The following CHD7 variants were observed in gnomAD, a reference collection of about 807,000 sequenced individuals.
The protein encoded by CHD7 is ATP-dependent chromatin remodeler CHD7.
Under a neutral mutation model 307.3 loss-of-function variants are expected in CHD7, and 24 were observed. The ratio of observed to expected loss-of-function variants is 0.08; its 90% CI spans 0.06 to 0.11. The LOEUF (loss-of-function observed/expected upper bound fraction) is 0.11, where lower values mean the gene tolerates loss of function less well. Ranked by LOEUF, CHD7 falls within the 10% of genes least tolerant of loss-of-function variation. The pLI, the probability that CHD7 is intolerant of heterozygous loss-of-function variation, is 1.00. For synonymous variants in CHD7, 1,363 were observed against 1,349.9 expected, an observed-to-expected ratio of 1.01 and a Z score of -0.21; for missense variants, 3,106 against 3,727.1, an observed-to-expected ratio of 0.83 and a Z score of 4.34.
intron 26 of CHD7, 127 bp downstream of exon 26, chr8:60,850,749 GTCTAC>G (rs769990473): frequency 1.5e-5 from 14 of 945,200 alleles, no homozygotes; most frequent in Non-Finnish European, 2.1e-5. Context: ...ATGTTTACCA[GTCTAC>G]TCTATTTGTA....
chr8:60,735,845 C>T (rs1808677187), intron 1 of CHD7, among the ~76,000 whole-genome samples: 1 of 152,198 alleles, frequency 6.6e-6, no homozygotes, highest in Non-Finnish European at 1.5e-5. Context: ...TCATTATAGG[C>T]ACTGTCGAGT....
At chr8:60,725,897 A>G (rs1033398165) in intron 1 of CHD7, among the ~76,000 whole-genome samples, 7 of 152,178 alleles carry the variant, frequency 4.6e-5, no homozygotes, top group African/African-American at 1.4e-4. Context: ...GCTGGCAGGC[A>G]TCCCAGTGCC....
At chr8:60,774,629 T>C (rs1810866211) in intron 2 of CHD7, among the ~76,000 whole-genome samples, 1 of 151,838 alleles carries the variant, frequency 6.6e-6, no homozygotes, top group Admixed American at 6.6e-5. Flanking sequence ...CTGGTCAGAG[T>C]CATGTTGGTT....
chr8:60,791,125 A>G (rs188816874), intron 3 of CHD7, among the ~76,000 whole-genome samples: 5 of 152,316 alleles, frequency 3.3e-5, no homozygotes, highest in Admixed American at 1.3e-4. Context: ...TTTGCCTTCC[A>G]GCTGGTTACT....
chr8:60,731,812 C>G (rs1175668699), intron 1 of CHD7, among the ~76,000 whole-genome samples: 1 of 152,214 alleles, frequency 6.6e-6, no homozygotes, highest in African/African-American at 2.4e-5. Context: ...CTCAACCTTC[C>G]TTTACAGTTT....
chr8:60,759,436 GCTCT>G (rs1194200989), intron 2 of CHD7, among the ~76,000 whole-genome samples: 1 of 105,346 alleles, frequency 9.5e-6, no homozygotes. Flanking sequence ...CCTCTCTCCC[GCTCT>G]CTGTCTCCCT....
intron 3 of CHD7, among the ~76,000 whole-genome samples, chr8:60,793,983 A>G (rs1286512937): frequency 6.6e-6 from 1 of 152,114 alleles, no homozygotes; most frequent in African/African-American, 2.4e-5. Flanking sequence ...TTAGCTGGGC[A>G]TGGTGGTGCA....
At chr8:60,817,665 G>C (rs1258086230) in intron 8 of CHD7, among the ~76,000 whole-genome samples, 1 of 152,178 alleles carries the variant, frequency 6.6e-6, no homozygotes, top group African/African-American at 2.4e-5. Context: ...ATATTAAGAA[G>C]ATTCTTCAGA....
Position 60,854,411 on chromosome 8 carries a change from C to T in CHD7, c.6824C>T (p.Ser2275Phe). The stretch of plus-strand genomic sequence containing the variant: ...AATTTTGATGAAGAAAGCAATGCTT[C>T]CATGAGCACTGCTAGAGATGAAACC... ...GKNFDEESNA[S>F]MSTARDETRD... Residue 2275 changes from serine to phenylalanine, a missense_variant, in exon 32 of 38, where the codon TCC (serine) becomes TTC (phenylalanine). Coordinates refer to ENST00000423902, the MANE Select transcript of CHD7 (RefSeq NM_017780.4). 6.2e-7 allele frequency: 1 copy of T among 1,613,476 alleles called. No homozygotes were observed.
chr8:60,764,232 G>A (rs766798093), intron 2 of CHD7, among the ~76,000 whole-genome samples: 4 of 151,974 alleles, frequency 2.6e-5, no homozygotes, highest in Non-Finnish European at 5.9e-5. Context: ...CTCGTGATCC[G>A]CCCGCCTCGG....
intron 4 of CHD7, among the ~76,000 whole-genome samples, chr8:60,797,129 A>G (rs1318653221): frequency 6.6e-6 from 1 of 152,254 alleles, no homozygotes; most frequent in Non-Finnish European, 1.5e-5. Context: ...TTCAGATAAT[A>G]ATAGTTTACC....
rs1563661629 is a variant in CHD7 at position 60,853,475 on chromosome 8, G to A, written c.6750G>A (p.Lys2250=). 2.6e-6 allele frequency: 4 copies of A among 1,515,198 alleles called. No individual in the cohort carries two copies. The highest frequency in any genetic ancestry group is 2.6e-6 in the Non-Finnish European group (3 of 1,134,148). 93.9% of individuals were successfully genotyped at this position (1,515,198 alleles called of 1,614,324 possible). Residue 2250 remains lysine, a synonymous_variant, in exon 31 of 38, where the codon AAG becomes AAA. Coordinates refer to ENST00000423902, the MANE Select transcript of CHD7 (RefSeq NM_017780.4). ...AGGAAAAGCTGGAGGATGACGATAA[G>A]TCGGAAGAGTCTTCCCAGCCCGAAG... ...DEEEKLEDDD[K]SEESSQPEAG...
intron 2 of CHD7, among the ~76,000 whole-genome samples, chr8:60,770,700 A>T (rs1017580192): frequency 6.6e-5 from 10 of 152,178 alleles, no homozygotes; most frequent in African/African-American, 2.4e-4. Flanking sequence ...GATGATTTAC[A>T]TGGTAGTTAA....
chr8:60,679,951 G>A (rs1227429819), intron 1 of CHD7, among the ~76,000 whole-genome samples: 1 of 151,978 alleles, frequency 6.6e-6, no homozygotes, highest in Non-Finnish European at 1.5e-5. Context: ...CGGCTCCCAA[G>A]TGCGCTAGGA....
chr8:60,776,986 T>C (rs762701106), intron 2 of CHD7, among the ~76,000 whole-genome samples: 1 of 152,234 alleles, frequency 6.6e-6, no homozygotes, highest in Non-Finnish European at 1.5e-5. Context: ...AGCAATAGTT[T>C]AGTGTTCTAA....
rs2150577685 is a variant in CHD7, at chr8:60,741,667, A to G, written c.235A>G (p.Lys79Glu). ...TCACTATAATCAGTATGAACAACAA[A>G]AGATGCATCTGATGGATCAGCCGAA... ...FDHYNQYEQQ[K>E]MHLMDQPNRM... The change falls in exon 2 of 38, where the codon AAG (lysine) becomes GAG (glutamate). Residue 79 changes from lysine (K) to glutamate (E), a missense_variant. Around this residue, in one of 10 missense-constraint regions of CHD7, gnomAD observed 998 missense variants for 1,004.5 expected, o/e 0.99. Coordinates refer to ENST00000423902, the MANE Select transcript of CHD7 (RefSeq NM_017780.4). The G allele has an allele frequency of 3.1e-6, 5 of 1,613,986 alleles. No individual in the cohort carries two copies. Among genetic ancestry groups the G allele is most frequent in the Non-Finnish European group, 4.2e-6 (5 of 1,179,866 alleles).
At chr8:60,771,681 G>GA (rs1810718744) in intron 2 of CHD7, among the ~76,000 whole-genome samples, 15 of 151,932 alleles carry the variant, frequency 9.9e-5, no homozygotes, top group African/African-American at 3.6e-4. Context: ...GGGGAGTCTT[G>GA]ACTGGGGAGG....
At position 60,845,399 on chromosome 8, in the gene CHD7, C is replaced by T. The variant is rs1805162137; in HGVS notation, c.5200C>T (p.His1734Tyr). Residue 1734 changes from histidine (H) to tyrosine (Y), a missense_variant, in exon 23 of 38, where the codon CAC becomes TAC. His to Tyr is a moderately conservative substitution (Grantham distance 83, BLOSUM62 2). This residue lies in a region of CHD7 where 1,030 missense variants were observed against 1,165.4 expected (regional missense o/e 0.88). Transcript: ENST00000423902. ...EDSYKKHLKH[H>Y]CNKVLLRVRM... ...CAGCTACAAGAAACACCTGAAGCAT[C>T]ACTGTAACAAGTATGTTATTAGAGG... The T allele has an allele frequency of 1.2e-6, 2 of 1,613,706 alleles. No homozygotes were observed. Among genetic ancestry groups the T allele is most frequent in the Admixed American group, 3.3e-5 (2 of 59,970 alleles).
chr8:60,755,884 G>A (rs1809866544), intron 2 of CHD7, among the ~76,000 whole-genome samples: 1 of 152,132 alleles, frequency 6.6e-6, no homozygotes, highest in African/African-American at 2.4e-5. Context: ...CGTGTTCTTT[G>A]ATATCATGCT....
Sources: allele counts gnomAD v4.1 joint callset (sites outside exome capture counted in the v4.1 genomes callset), GRCh38; gene constraint gnomAD v4.1.1; regional missense constraint gnomAD v4.1.1; transcripts MANE v1.5; gene names NCBI Gene and HGNC (gene_info 2026-07-23, HGNC 2026-07-21).